Variants in FOXP2 observed in about 807,000 individuals in gnomAD.
The protein encoded by FOXP2 is forkhead box P2, also known as forkhead box protein P2.
In FOXP2, 12 loss-of-function variants were observed where a neutral mutation model predicts 115.8. The observed-to-expected ratio is 0.10, with a 90% CI of 0.07 to 0.17. The LOEUF is 0.17. Ranked by LOEUF, FOXP2 falls within the 10% of genes least tolerant of loss-of-function variation. The pLI is 1.00. For synonymous variants in FOXP2, 328 were observed against 297.7 expected, an observed-to-expected ratio of 1.10 and a Z score of -1.05; for missense variants, 629 against 843.5, an observed-to-expected ratio of 0.75 and a Z score of 3.15.
chr7:114,555,358 A>G (rs1243100120), intron 3 of FOXP2, among the ~76,000 whole-genome samples: 1 of 152,308 alleles, frequency 6.6e-6, no homozygotes, highest in African/African-American at 2.4e-5. Flanking sequence ...AGTGCCTCTT[A>G]GTTGCTGTTC....
At chr7:114,127,063 G>A (rs1791730484) in intron 1 of FOXP2, among the ~76,000 whole-genome samples, 1 of 152,144 alleles carries the variant, frequency 6.6e-6, no homozygotes, top group Non-Finnish European at 1.5e-5. Context: ...GCTCAACTGG[G>A]AAAAGACCTG....
chr7:114,226,115 T>G (rs1338368214), intron 1 of FOXP2, among the ~76,000 whole-genome samples: 1 of 152,178 alleles, frequency 6.6e-6, no homozygotes. Flanking sequence ...GTTAAAAAGC[T>G]CAACTCATAA....
At chr7:114,545,258 GGTTACTTCCA>G (rs1477661395) in intron 3 of FOXP2, among the ~76,000 whole-genome samples, 2 of 152,080 alleles carry the variant, frequency 1.3e-5, no homozygotes, top group African/African-American at 4.8e-5. Flanking sequence ...TGATACTTCA[GGTTACTTCCA>G]GATGCAACAG....
chr7:114,678,116 C>T (rs999963289), intron 16 of FOXP2, among the ~76,000 whole-genome samples: 5 of 152,082 alleles, frequency 3.3e-5, no homozygotes, highest in South Asian at 2.1e-4. Context: ...TTAGGCTTAA[C>T]GTGAAGTCAA....
intron 1 of FOXP2, among the ~76,000 whole-genome samples, chr7:114,142,005 T>A (rs1217960330): frequency 6.6e-6 from 1 of 151,806 alleles, no homozygotes; most frequent in East Asian, 2.0e-4. Context: ...TTAAACAATT[T>A]TTAGAAATGT....
chr7:114,283,352 T>C (rs979570239), intron 1 of FOXP2, among the ~76,000 whole-genome samples: 1 of 152,188 alleles, frequency 6.6e-6, no homozygotes, highest in Non-Finnish European at 1.5e-5. Context: ...ACATGTATTT[T>C]ATTTCTTTAC....
At chr7:114,370,681 A>G (rs2129189316) in intron 2 of FOXP2, among the ~76,000 whole-genome samples, 1 of 152,278 alleles carries the variant, frequency 6.6e-6, no homozygotes, top group East Asian at 1.9e-4. Flanking sequence ...GAAATGATTG[A>G]GTTTGGATTT....
intron 1 of FOXP2, among the ~76,000 whole-genome samples, chr7:114,240,650 A>G (rs561590766): frequency 1.3e-5 from 2 of 152,152 alleles, no homozygotes; most frequent in Non-Finnish European, 2.9e-5. Flanking sequence ...TGGTAGCTCT[A>G]ACATCTAACA....
At chr7:114,350,226 C>A (rs187353031) in intron 2 of FOXP2, among the ~76,000 whole-genome samples, 4 of 152,164 alleles carry the variant, frequency 2.6e-5, no homozygotes, top group East Asian at 1.9e-4. Flanking sequence ...GTTTGCTGCA[C>A]CCATCAACCC....
intron 2 of FOXP2, among the ~76,000 whole-genome samples, chr7:114,448,866 G>A (rs1325855023): frequency 6.6e-6 from 1 of 152,058 alleles, no homozygotes; most frequent in Admixed American, 6.6e-5. Flanking sequence ...CAGAAACAGA[G>A]CAGGATAAAA....
intron 1 of FOXP2, among the ~76,000 whole-genome samples, chr7:114,278,046 A>G (rs1796231908): frequency 6.6e-6 from 1 of 150,702 alleles, no homozygotes; most frequent in African/African-American, 2.4e-5. Flanking sequence ...AAAAAAAAAA[A>G]AAGAATTCAT....
intron 16 of FOXP2, among the ~76,000 whole-genome samples, chr7:114,677,186 AC>A (rs1269535184): frequency 3.5e-5 from 5 of 141,788 alleles, no homozygotes; most frequent in African/African-American, 1.2e-4. Flanking sequence ...AAAAAAAAAA[AC>A]AAAAAAAACA....
intron 1 of FOXP2, among the ~76,000 whole-genome samples, chr7:114,151,066 A>G (rs1315660633): frequency 6.6e-6 from 1 of 151,574 alleles, no homozygotes; most frequent in Admixed American, 6.6e-5. Flanking sequence ...ACCGAATACC[A>G]TTTTTTTTCT....
chr7:114,385,179 G>T (rs1398677417), intron 2 of FOXP2, among the ~76,000 whole-genome samples: 1 of 151,884 alleles, frequency 6.6e-6, no homozygotes, highest in Non-Finnish European at 1.5e-5. Context: ...GGGATACCAG[G>T]GATAAGACTC....
At chr7:114,507,507 G>A (rs1029101978) in intron 2 of FOXP2, among the ~76,000 whole-genome samples, 2 of 151,926 alleles carry the variant, frequency 1.3e-5, no homozygotes, top group African/African-American at 2.4e-5. Context: ...ATAATGAGAT[G>A]TTAAAAACTG....
intron 3 of FOXP2, among the ~76,000 whole-genome samples, chr7:114,605,865 A>G (rs542583498): frequency 6.6e-6 from 1 of 152,320 alleles, no homozygotes; most frequent in South Asian, 2.1e-4. Context: ...GCTTTTTAGT[A>G]TTTGACAAGG....
intron 2 of FOXP2, among the ~76,000 whole-genome samples, chr7:114,333,716 C>A (rs979194573): frequency 6.6e-6 from 1 of 152,060 alleles, no homozygotes; most frequent in East Asian, 1.9e-4. Flanking sequence ...GTGAAACCCC[C>A]GTCTCTAGTA....
At chr7:114,472,749 T>C (rs1422452647) in intron 2 of FOXP2, among the ~76,000 whole-genome samples, 1 of 152,232 alleles carries the variant, frequency 6.6e-6, no homozygotes, top group African/African-American at 2.4e-5. Context: ...TTAGTTCAGA[T>C]AAGGTTTTCC....
chr7:114,224,527 C>T (rs2129164653), intron 1 of FOXP2, among the ~76,000 whole-genome samples: 1 of 152,288 alleles, frequency 6.6e-6, no homozygotes, highest in African/African-American at 2.4e-5. Context: ...TAAATTACCT[C>T]CATCAACATT....
Sources: gnomAD v4.1 joint callset for allele counts (sites outside exome capture counted in the v4.1 genomes callset) on GRCh38, gnomAD v4.1.1 for gene constraint, MANE v1.5 for transcripts, NCBI Gene and HGNC (gene_info 2026-07-23, HGNC 2026-07-21) for gene names.